Variants in BLTP2 observed in about 807,000 individuals in gnomAD.
The protein encoded by BLTP2 is U937-associated antigen.
the BLTP2 span, chr17:28,619,693 T>G: frequency 6.2e-7 from 1 of 1,614,014 alleles, no homozygotes; most frequent in Non-Finnish European, 8.5e-7. Flanking sequence ...CAGCTGCAGG[T>G]TGGCCTTCTC....
At chr17:28,632,963 C>A in the BLTP2 span, 1 of 1,542,422 alleles carries the variant, frequency 6.5e-7, no homozygotes. Flanking sequence ...CGAGTCAGAT[C>A]CATCTTGATG....
the BLTP2 span, chr17:28,639,417 C>G: frequency 6.2e-7 from 1 of 1,613,530 alleles, no homozygotes. Context: ...GTGAATGATG[C>G]AAGTGTTCAG....
the BLTP2 span, chr17:28,635,144 G>A: frequency 7.7e-5 from 124 of 1,613,732 alleles, 1 homozygote; most frequent in Middle Eastern, 3.3e-4. Flanking sequence ...AGCCAAACAC[G>A]GTTCCGGAGG....
chr17:28,644,508 T>C, the BLTP2 span, among the ~76,000 whole-genome samples: 1 of 152,276 alleles, frequency 6.6e-6, no homozygotes, highest in Non-Finnish European at 1.5e-5. Flanking sequence ...GGCGGCTCTG[T>C]CACATGTGCC....
At chr17:28,616,381 C>T in the BLTP2 span, 1 of 1,614,204 alleles carries the variant, frequency 6.2e-7, no homozygotes, top group Non-Finnish European at 8.5e-7. This position sits in a 1 kb window ranked among gnomAD's most constrained non-coding sequence, Gnocchi z 4.8. Context: ...TTTGGTACCT[C>T]TGGCGATTTG....
At chr17:28,621,504 G>T in the BLTP2 span, 1 of 1,610,714 alleles carries the variant, frequency 6.2e-7, no homozygotes, top group Non-Finnish European at 8.5e-7. Flanking sequence ...TTCACCTGAA[G>T]AAAGAGATGC....
the BLTP2 span, among the ~76,000 whole-genome samples, chr17:28,625,227 T>C: frequency 3.4e-5 from 5 of 148,302 alleles, no homozygotes; most frequent in South Asian, 8.4e-4. Context: ...TCCCAGCTAC[T>C]TGGGAGGCTG....
At chr17:28,631,113 G>A in the BLTP2 span, among the ~76,000 whole-genome samples, 6 of 152,164 alleles carry the variant, frequency 3.9e-5, no homozygotes, top group East Asian at 9.6e-4. Context: ...AACCCCCAAT[G>A]TAACAGTATG....
At chr17:28,641,831 C>T in the BLTP2 span, 4 of 1,487,240 alleles carry the variant, frequency 2.7e-6, no homozygotes, top group South Asian at 1.2e-5. Flanking sequence ...ATTTTTTCTA[C>T]TTCCAAAACA....
chr17:28,641,740 T>G, the BLTP2 span: 1 of 685,878 alleles, frequency 1.5e-6, no homozygotes, highest in Non-Finnish European at 2.4e-6. Flanking sequence ...CACAAGCAAA[T>G]GCCCTATTTC....
the BLTP2 span, chr17:28,621,141 C>T: frequency 1.2e-6 from 2 of 1,613,904 alleles, no homozygotes; most frequent in African/African-American, 2.7e-5. Context: ...ACTTGCTGGG[C>T]TTGCTGTGCC....
chr17:28,643,620 G>C, the BLTP2 span: 1 of 1,613,928 alleles, frequency 6.2e-7, no homozygotes, highest in South Asian at 1.1e-5. Flanking sequence ...GGAAGATCAT[G>C]GCTAAGGAGT....
chr17:28,617,457 A>G, the BLTP2 span: 19 of 614,904 alleles, frequency 3.1e-5, no homozygotes, highest in East Asian at 8.3e-5. Flanking sequence ...AACTCATACA[A>G]TCAACACTCT....
the BLTP2 span, chr17:28,618,707 ATTTCTCTTT>A: frequency 9.3e-7 from 1 of 1,075,590 alleles, no homozygotes; most frequent in Non-Finnish European, 1.4e-6. Context: ...ACCCCCTTTT[ATTTCTCTTT>A]TATGAGTTAG....
chr17:28,615,812 G>A, the BLTP2 span: 4 of 1,612,544 alleles, frequency 2.5e-6, no homozygotes, highest in Non-Finnish European at 2.5e-6. Context: ...TAAGAGGAGG[G>A]GGAGGGGAAA....
At chr17:28,639,847 G>GA in the BLTP2 span, 2 of 1,605,296 alleles carry the variant, frequency 1.2e-6, no homozygotes, top group Non-Finnish European at 1.7e-6. Flanking sequence ...CATGAGCAAA[G>GA]AGAGTATCTA....
chr17:28,634,141 C>G, the BLTP2 span: 1 of 1,481,634 alleles, frequency 6.7e-7, no homozygotes, highest in East Asian at 2.3e-5. Flanking sequence ...TGAGCACTCT[C>G]GGGCCTATCT....
At chr17:28,617,537 T>C in the BLTP2 span, among the ~76,000 whole-genome samples, 4 of 152,240 alleles carry the variant, frequency 2.6e-5, no homozygotes, top group East Asian at 1.9e-4. Context: ...CTAGCCATTG[T>C]GACATTAAAA....
chr17:28,642,075 C>A, the BLTP2 span: 1 of 1,613,584 alleles, frequency 6.2e-7, no homozygotes, highest in Non-Finnish European at 8.5e-7. Flanking sequence ...AGGCAGGTGT[C>A]CTCCTGTGGG....
Sources: allele counts gnomAD v4.1 joint callset (sites outside exome capture counted in the v4.1 genomes callset), GRCh38; gene constraint gnomAD v4.1.1; non-coding constraint Gnocchi (gnomAD v3.1); transcripts MANE v1.5; gene names NCBI Gene and HGNC (gene_info 2026-07-23, HGNC 2026-07-21).